The following CDH13 variants were observed in gnomAD, a reference collection of about 807,000 sequenced individuals.
CDH13 encodes the protein cadherin 13, also known as cadherin-13.
In CDH13, 24 loss-of-function variants were observed where a neutral mutation model predicts 63.8. That is an observed-to-expected ratio of 0.38 (90% CI 0.27 to 0.53). The LOEUF is 0.53. Ranked by LOEUF, CDH13 falls within the 20% of genes least tolerant of loss-of-function variation. The pLI, the probability that CDH13 is intolerant of heterozygous loss-of-function variation, is 0.85. For missense variants in CDH13, 1,049 were observed against 903.1 expected, an observed-to-expected ratio of 1.16 and a Z score of -2.07; for synonymous variants, 503 against 355.3, an observed-to-expected ratio of 1.42 and a Z score of -4.67.
intron 5 of CDH13, among the ~76,000 whole-genome samples, chr16:83,255,077 G>C (rs1388454764): frequency 6.7e-6 from 1 of 149,924 alleles, no homozygotes; most frequent in Non-Finnish European, 1.5e-5. Context: ...GTCTGTGACA[G>C]ATGGCTCGTG....
intron 2 of CDH13, among the ~76,000 whole-genome samples, chr16:82,886,524 C>T (rs1467103331): frequency 6.7e-6 from 1 of 148,686 alleles, no homozygotes; most frequent in Non-Finnish European, 1.5e-5. Flanking sequence ...ATATTCATTT[C>T]TGTTTCTTAA....
intron 5 of CDH13, among the ~76,000 whole-genome samples, chr16:83,334,076 G>T (rs13333899): frequency 0.39 from 59,139 of 151,798 alleles, 12,001 homozygotes; most frequent in East Asian, 0.46. Flanking sequence ...TAAAGGCCAC[G>T]CACATTCCTG....
At chr16:83,792,741 C>G (rs999302558) in intron 13 of CDH13, among the ~76,000 whole-genome samples, 1 of 151,650 alleles carries the variant, frequency 6.6e-6, no homozygotes, top group South Asian at 2.1e-4. Context: ...ACCACCCTGA[C>G]AACATCAATG....
At chr16:82,751,472 A>T (rs115385081) in intron 1 of CDH13, among the ~76,000 whole-genome samples, 2,293 of 152,202 alleles carry the variant, frequency 0.015, 58 homozygotes, top group African/African-American at 0.053. Context: ...CACAAGGCAC[A>T]CACTGACCTC....
chr16:83,314,489 A>T lies in CDH13; in HGVS notation c.637-30373A>T, dbSNP rs118151753. Among the ~76,000 whole-genome samples the T allele has an allele frequency of 9.3e-4, 141 of 152,320 alleles. 1 individual carries two copies. In the East Asian group the frequency reaches 0.024, roughly 26 times the overall value. On this transcript the variant is annotated intron_variant, in intron 5 of 13. Coordinates refer to ENST00000567109, the MANE Select transcript of CDH13 (RefSeq NM_001257.5). The stretch of plus-strand genomic sequence containing the variant: ...CTCTGTGATTTGAGGAGCCCAGCTC[A>T]TTCATTAAATATGATCAATATGCCT...
intron 6 of CDH13, among the ~76,000 whole-genome samples, chr16:83,469,016 C>G (rs1373550647): frequency 2.0e-5 from 3 of 152,194 alleles, no homozygotes; most frequent in Non-Finnish European, 4.4e-5. Context: ...GTGCACAGGA[C>G]TCTACGGCTT....
intron 10 of CDH13, among the ~76,000 whole-genome samples, chr16:83,736,292 G>A (rs1024937510): frequency 6.6e-6 from 1 of 152,116 alleles, no homozygotes; most frequent in Non-Finnish European, 1.5e-5. Flanking sequence ...GTGTATTTCT[G>A]GATTTCAGAA....
chr16:83,170,827 C>T (rs567475184), intron 4 of CDH13, among the ~76,000 whole-genome samples: 1 of 152,212 alleles, frequency 6.6e-6, no homozygotes, highest in African/African-American at 2.4e-5. Flanking sequence ...TTTGACCAAA[C>T]TTTTCAACAT....
chr16:82,979,237 G>T (rs8059783), intron 2 of CDH13, among the ~76,000 whole-genome samples: 65,097 of 151,946 alleles, frequency 0.43, 14,144 homozygotes, highest in Admixed American at 0.44. Flanking sequence ...TGTAGGCCTC[G>T]TCTCAGATGA....
intron 1 of CDH13, among the ~76,000 whole-genome samples, chr16:82,731,610 A>C (rs894037243): frequency 6.6e-6 from 1 of 152,248 alleles, no homozygotes; most frequent in African/African-American, 2.4e-5. Context: ...TTGTTCATTT[A>C]AATGGAAATG....
At chr16:83,434,852 TGTGC>T (rs750722247) in intron 6 of CDH13, among the ~76,000 whole-genome samples, 673 of 66,608 alleles carry the variant, frequency 0.01, 6 homozygotes, top group East Asian at 0.028. Flanking sequence ...TATATATGTG[TGTGC>T]GTGTGTGTGT....
chr16:83,720,491 C>G (rs979303663), intron 10 of CDH13, among the ~76,000 whole-genome samples: 37 of 152,242 alleles, frequency 2.4e-4, no homozygotes, highest in Non-Finnish European at 4.1e-4. Context: ...CGTTCATAAT[C>G]CTGCTCTTTG....
At chr16:83,076,208 C>A (rs1184284151) in intron 3 of CDH13, among the ~76,000 whole-genome samples, 1 of 152,174 alleles carries the variant, frequency 6.6e-6, no homozygotes, top group African/African-American at 2.4e-5. Flanking sequence ...GCACAAAGAG[C>A]TTTTGAGCAT....
At chr16:82,690,164 C>CAAAA (rs35051579) in intron 1 of CDH13, among the ~76,000 whole-genome samples, 24 of 52,014 alleles carry the variant, frequency 4.6e-4, no homozygotes, top group South Asian at 9.3e-4. Flanking sequence ...AACTCTGTCT[C>CAAAA]AAAAAAAAAA....
intron 7 of CDH13, among the ~76,000 whole-genome samples, chr16:83,576,176 C>T (rs1289523485): frequency 6.6e-6 from 1 of 152,304 alleles, no homozygotes; most frequent in Admixed American, 6.5e-5. Flanking sequence ...CTCCCTGACC[C>T]CAGTCCCTGG....
At chr16:82,818,830 C>T (rs746745966) in intron 1 of CDH13, among the ~76,000 whole-genome samples, 1 of 152,118 alleles carries the variant, frequency 6.6e-6, no homozygotes, top group Non-Finnish European at 1.5e-5. Flanking sequence ...CATACAAACA[C>T]CAAGTCTGCT....
chr16:82,694,151 T>C lies in CDH13; in HGVS notation c.45+67014T>C, dbSNP rs537953923. Reference sequence around the variant, plus strand: ...CCCAGTTAATTTATTCACTTGCATATAGAGCTATTTATGCAGAAAAGTTTA... The same window carrying C: ...CCCAGTTAATTTATTCACTTGCATACAGAGCTATTTATGCAGAAAAGTTTA... On this transcript the variant is annotated intron_variant, in intron 1 of 13. Coordinates refer to ENST00000567109, the MANE Select transcript of CDH13 (RefSeq NM_001257.5). Among the ~76,000 whole-genome samples, 3 of 152,340 alleles carry C rather than the reference T, an allele frequency of 2.0e-5. No homozygotes were observed. The East Asian group carries it at 5.8e-4, about 29-fold the overall frequency.
chr16:82,632,941 T>A lies in CDH13; in HGVS notation c.45+5804T>A, dbSNP rs72832155. ...TAAGGAGAAGGCGACCTAGATCCCA[T>A]GCACGCACACAGTTCACACAGGATT... On this transcript the variant is annotated intron_variant, in intron 1 of 13. Transcript: ENST00000567109. Among the ~76,000 whole-genome samples the A allele has an allele frequency of 3.9e-5, 6 of 152,088 alleles. No individual in the cohort carries two copies. The East Asian group carries it at 1.2e-3, about 29-fold the overall frequency.
intron 2 of CDH13, among the ~76,000 whole-genome samples, chr16:82,968,642 G>C (rs949407921): frequency 7.9e-5 from 12 of 152,052 alleles, no homozygotes; most frequent in African/African-American, 2.7e-4. Flanking sequence ...CTCTCCTTCT[G>C]TGAAGCCATC....
Sources: gnomAD v4.1 joint callset for allele counts (sites outside exome capture counted in the v4.1 genomes callset) on GRCh38, gnomAD v4.1.1 for gene constraint, MANE v1.5 for transcripts, NCBI Gene and HGNC (gene_info 2026-07-23, HGNC 2026-07-21) for gene names.